Variants in ATP2B2 observed in about 807,000 individuals in gnomAD.
ATP2B2 encodes the protein plasma membrane calcium-transporting ATPase 2.
Under a neutral mutation model 120.0 loss-of-function variants are expected in ATP2B2, and 15 were observed. The ratio of observed to expected loss-of-function variants is 0.12; its 90% confidence interval spans 0.08 to 0.19. The LOEUF (loss-of-function observed/expected upper bound fraction) is 0.19. ATP2B2 is among the 10% of genes least tolerant of loss of function. The pLI, the probability that ATP2B2 is intolerant of heterozygous loss-of-function variation, is 1.00. For missense variants in ATP2B2, 1,045 were observed against 1,719.8 expected (o/e 0.61, Z 6.94); for synonymous variants, 694 against 700.3 (o/e 0.99, Z 0.14).
chr3:10,670,153 AAG>A (rs2071057409), intron 1 of ATP2B2, among the ~76,000 whole-genome samples: 2 of 152,194 alleles, frequency 1.3e-5, no homozygotes, highest in Admixed American at 6.5e-5. Context: ...AGGTTGCGTT[AAG>A]AGAGGTCGAG....
chr3:10,664,051 A>C (rs562819764), intron 1 of ATP2B2, among the ~76,000 whole-genome samples: 2 of 152,218 alleles, frequency 1.3e-5, no homozygotes, highest in African/African-American at 4.8e-5. Context: ...TGTCCACCCC[A>C]GAATCTCAGT....
At chr3:10,353,492 G>C (rs1208213251) in intron 14 of ATP2B2, among the ~76,000 whole-genome samples, 3 of 152,208 alleles carry the variant, frequency 2.0e-5, no homozygotes, top group Admixed American at 6.5e-5. Context: ...CGGGCCTGAG[G>C]GCCACGCTGC....
chr3:10,527,420 T>C (rs571809654), intron 3 of ATP2B2, among the ~76,000 whole-genome samples: 1 of 152,268 alleles, frequency 6.6e-6, no homozygotes, highest in Admixed American at 6.5e-5. Context: ...TGAACCTGGG[T>C]CTTCTGGCTA....
intron 5 of ATP2B2, among the ~76,000 whole-genome samples, 176 bp downstream of exon 5, chr3:10,400,777 G>T (rs2062192174): frequency 6.6e-6 from 1 of 152,238 alleles, no homozygotes; most frequent in African/African-American, 2.4e-5. Flanking sequence ...TGCACAGTAG[G>T]CTCAATGTGT....
In ATP2B2 at chr3:10,392,471, A is replaced by G. The variant is rs115973700; in HGVS notation, c.782-4069T>C. 6.5e-3 allele frequency among the ~76,000 whole-genome samples: 984 copies of G among 152,294 alleles called. 16 individuals are homozygous for G. The highest frequency in any genetic ancestry group is 0.022 in the African/African-American group (903 of 41,570). ...GAGTCCCCTGCAGAGGGCAATGCTTAACACCATGGCAGAAGCAATTAATGG... is the reference window on the plus strand; with the variant it reads ...GAGTCCCCTGCAGAGGGCAATGCTTGACACCATGGCAGAAGCAATTAATGG... On this transcript the variant is annotated intron_variant, in intron 5 of 22. Transcript: ENST00000360273.
intron 1 of ATP2B2, among the ~76,000 whole-genome samples, chr3:10,685,131 G>A (rs2071487310): frequency 6.6e-6 from 1 of 152,142 alleles, no homozygotes; most frequent in African/African-American, 2.4e-5. Flanking sequence ...CTGTAAAACG[G>A]GTGTGCTAAG....
chr3:10,359,799 G>T, intron 13 of ATP2B2, 83 bp downstream of exon 13: 1 of 1,589,214 alleles, frequency 6.3e-7, no homozygotes. Context: ...CCTGGATGGC[G>T]GCCAGTGCTA....
rs537736232 is a variant in ATP2B2 at position 10,326,467 on chromosome 3, A to C, written c.*2347T>G. On this transcript the variant is annotated 3_prime_UTR_variant, in exon 23 of 23. Transcript: ENST00000360273. Reference sequence around the variant, plus strand: ...AAACACAGCTATCCTGATGTCATGGAACGAGGTCACGGACACATGACTGAT... The same window carrying C: ...AAACACAGCTATCCTGATGTCATGGCACGAGGTCACGGACACATGACTGAT... The C allele has an allele frequency of 2.7e-6, 1 of 370,540 alleles. No homozygotes were observed. The highest frequency in any genetic ancestry group is 4.8e-6 in the Non-Finnish European group (1 of 208,476). 23.0% of individuals were successfully genotyped at this position (370,540 alleles called of 1,614,324 possible). A position where few individuals can be genotyped will look rare whatever the true frequency, so the allele number is the denominator to read the frequency against.
Position 10,342,897 on chromosome 3 carries a change from T to A in ATP2B2, c.2772A>T (p.Ala924=), listed in dbSNP as rs1002130551. The change falls in exon 19 of 23, where the codon GCA becomes GCT. Residue 924 remains alanine, a synonymous_variant. Coordinates refer to ENST00000360273, the MANE Select transcript of ATP2B2 (RefSeq NM_001001331.4). The surrounding 1 kb of genome is among the most constrained non-coding windows in gnomAD (Gnocchi z 4.4). ...TCTCCGTGGGCGGCTCAGTGGCCAGTGCCAGCGAGGCAAACGTGTCCATGA... is the reference window on the plus strand; with the variant it reads ...TCTCCGTGGGCGGCTCAGTGGCCAGAGCCAGCGAGGCAAACGTGTCCATGA... ...NLIMDTFASL[A]LATEPPTETL... is the part of the protein sequence containing the mutation. 3 of 1,613,964 alleles carry A rather than the reference T, an allele frequency of 1.9e-6. No homozygotes were observed. The highest frequency in any genetic ancestry group is 2.2e-5 in the East Asian group (1 of 44,864).
chr3:10,439,482 C>G (rs2063585048), intron 2 of ATP2B2, among the ~76,000 whole-genome samples: 1 of 152,138 alleles, frequency 6.6e-6, no homozygotes, highest in African/African-American at 2.4e-5. Flanking sequence ...GACCCCTGGG[C>G]CAGGCACATT....
At chr3:10,583,033 G>A (rs2125563708) in intron 2 of ATP2B2, among the ~76,000 whole-genome samples, 1 of 152,334 alleles carries the variant, frequency 6.6e-6, no homozygotes, top group Middle Eastern at 3.4e-3. Flanking sequence ...ATTAAAGTTT[G>A]CTTGTTTTTA....
Position 10,560,637 on chromosome 3 carries a change from C to G in ATP2B2, c.-414-26504G>C, listed in dbSNP as rs75588234. 2.7e-3 allele frequency among the ~76,000 whole-genome samples: 405 copies of G among 152,300 alleles called. 1 individual carries two copies. The highest frequency in any genetic ancestry group is 9.2e-3 in the African/African-American group (382 of 41,558). On this transcript the variant is annotated intron_variant, in intron 2 of 21. Transcript: ENST00000646379. ...ATTCTATATCTAGCACCTTGCACAT[C>G]CTTCCCTCTGCTACCACCTCCTTTG...
At chr3:10,595,287 T>G (rs2068740383) in intron 2 of ATP2B2, among the ~76,000 whole-genome samples, 1 of 152,040 alleles carries the variant, frequency 6.6e-6, no homozygotes, top group African/African-American at 2.4e-5. Flanking sequence ...GTGCTGGAGG[T>G]TCTCAGGTCA....
At position 10,385,317 on chromosome 3, in the gene ATP2B2, A is replaced by G; in HGVS notation, c.951T>C (p.Gly317=). 1.2e-6 allele frequency: 2 copies of G among 1,613,788 alleles called. No homozygotes were observed. The highest frequency in any genetic ancestry group is 1.7e-6 in the Non-Finnish European group (2 of 1,179,964). ...GDGLQLPAAD[G]AAASNAADSA... ...TATCTGCAGCATTTGAAGCTGCCGC[A>G]CCGTCTGCTGCTGCAGGGGGGTGGG... Residue 317 remains glycine, a synonymous_variant, in exon 8 of 23, where the codon GGT becomes GGC. Transcript: ENST00000360273.
intron 1 of ATP2B2, among the ~76,000 whole-genome samples, chr3:10,453,201 G>A (rs2064127071): frequency 6.6e-6 from 1 of 152,198 alleles, no homozygotes; most frequent in African/African-American, 2.4e-5. Flanking sequence ...CCAGCTGAAT[G>A]GGAAGGAAAT....
At chr3:10,685,460 G>A (rs1332644448) in intron 1 of ATP2B2, among the ~76,000 whole-genome samples, 2 of 152,170 alleles carry the variant, frequency 1.3e-5, no homozygotes, top group Non-Finnish European at 2.9e-5. Context: ...TTCACTGTGA[G>A]ATTACCAGAC....
intron 1 of ATP2B2, among the ~76,000 whole-genome samples, chr3:10,678,037 G>A (rs907770429): frequency 1.3e-5 from 2 of 152,156 alleles, no homozygotes; most frequent in African/African-American, 4.8e-5. Flanking sequence ...GCTGGCAACA[G>A]AGAAGCCATA....
intron 8 of ATP2B2, among the ~76,000 whole-genome samples, chr3:10,379,952 G>A (rs1369871745): frequency 6.6e-6 from 1 of 152,170 alleles, no homozygotes; most frequent in African/African-American, 2.4e-5. Flanking sequence ...GCCCCTGAGA[G>A]TGACCAGAAC....
At chr3:10,616,592 G>A (rs2069393601) in intron 2 of ATP2B2, among the ~76,000 whole-genome samples, 1 of 152,084 alleles carries the variant, frequency 6.6e-6, no homozygotes, top group Admixed American at 6.6e-5. Context: ...CCTTGGCTTT[G>A]AATAAAAAAA....
Sources: gnomAD v4.1 joint callset for allele counts (sites outside exome capture counted in the v4.1 genomes callset) on GRCh38, gnomAD v4.1.1 for gene constraint, Gnocchi (gnomAD v3.1) non-coding constraint, MANE v1.5 for transcripts, NCBI Gene and HGNC (gene_info 2026-07-23, HGNC 2026-07-21) for gene names.